Variants in DDI1 observed in about 807,000 individuals in gnomAD.
The protein encoded by DDI1 is DDI proteasomal shuttling factor 1, also known as protein DDI1 homolog 1.
A neutral mutation model predicts 7.2 loss-of-function variants in DDI1; 6 were observed. The ratio of observed to expected loss-of-function variants is 0.83; its 90% CI spans 0.46 to 1.64. DDI1 has a LOEUF of 1.64. Ranked by LOEUF, DDI1 falls within the 40% of genes most tolerant of loss-of-function variation. The pLI is 0.01. For missense variants in DDI1, 502 were observed against 516.6 expected (o/e 0.97, Z 0.27); for synonymous variants, 221 against 201.7 (o/e 1.10, Z -0.81).
chr11:104,036,704 C>A lies in DDI1; in HGVS notation c.-119C>A, dbSNP rs528937474. 2.0e-4 allele frequency: 155 copies of A among 778,412 alleles called. No individual in the cohort carries two copies. The highest frequency in any genetic ancestry group is 1.5e-3 in the Middle Eastern group (4 of 2,654). The allele number at this position is 778,412 out of a possible 1,614,324, so 48.2% of individuals were successfully genotyped here. A position where few individuals can be genotyped will look rare whatever the true frequency, so the allele number is the denominator to read the frequency against. ...GCGCCTCTCTGAGAGGTGAATGAGCCCGGACGGTCCCTACCTACCAAGTCC... is the reference window on the plus strand; with the variant it reads ...GCGCCTCTCTGAGAGGTGAATGAGCACGGACGGTCCCTACCTACCAAGTCC... On this transcript the variant is annotated 5_prime_UTR_variant, in exon 1 of 1. Coordinates refer to ENST00000302259, the MANE Select transcript of DDI1 (RefSeq NM_001001711.3).
Position 104,037,896 on chromosome 11 carries a change from T to A in DDI1, c.1074T>A (p.Thr358=), listed in dbSNP as rs1860279779. The A allele has an allele frequency of 1.2e-6, 2 of 1,614,072 alleles. No individual in the cohort carries two copies. The highest frequency in any genetic ancestry group is 2.7e-5 in the African/African-American group (2 of 74,930). The change falls in exon 1 of 1, where the codon ACT becomes ACA. Residue 358 remains threonine (T), a synonymous_variant. Coordinates refer to ENST00000302259, the MANE Select transcript of DDI1 (RefSeq NM_001001711.3). The part of the protein sequence containing the change: ...VLVIGTTGTQ[T]YFLPEGELPL... ...TCATCGGCACCACTGGCACGCAGAC[T>A]TATTTTCTTCCTGAGGGAGAGTTGC...
Position 104,036,943 on chromosome 11 carries a change from C to T in DDI1, c.121C>T (p.Pro41Ser). 1.2e-6 allele frequency: 2 copies of T among 1,614,160 alleles called. No homozygotes were observed. Among genetic ancestry groups the T allele is most frequent in the African/African-American group, 1.3e-5 (1 of 75,058 alleles). ...KVLCEAESRV[P>S]VEEIQIIHME... ...CCTCTGCGAAGCGGAGTCCAGAGTC[C>T]CCGTCGAAGAGATCCAGATCATCCA... Residue 41 changes from proline (P) to serine (S), a missense_variant, in exon 1 of 1, where the codon CCC becomes TCC. Physicochemically the swap from Pro to Ser is moderately conservative, Grantham distance 74. Transcript: ENST00000302259.
chr11:104,038,035 C>A lies in DDI1; in HGVS notation c.*22C>A. The A allele has an allele frequency of 6.3e-7, 1 of 1,593,438 alleles. No individual in the cohort carries two copies. The highest frequency in any genetic ancestry group is 1.1e-5 in the South Asian group (1 of 88,846). On this transcript the variant is annotated 3_prime_UTR_variant, in exon 1 of 1. Coordinates refer to ENST00000302259, the MANE Select transcript of DDI1 (RefSeq NM_001001711.3). Reference sequence around the variant, plus strand: ...TTAAAGCACGTTATAAATATGTTACCACCTTGAGGGAGCCTCAGGTCCCCG... The same window carrying A: ...TTAAAGCACGTTATAAATATGTTACAACCTTGAGGGAGCCTCAGGTCCCCG...
At position 104,036,664 on chromosome 11, in the gene DDI1, G is replaced by A; in HGVS notation, c.-159G>A. 2 of 641,124 alleles carry A rather than the reference G, an allele frequency of 3.1e-6. No homozygotes were observed. Among genetic ancestry groups the A allele is most frequent in the Admixed American group, 2.7e-5 (1 of 36,734 alleles). 39.7% of individuals were successfully genotyped at this position (641,124 alleles called of 1,614,324 possible). A position where few individuals can be genotyped will look rare whatever the true frequency, so the allele number is the denominator to read the frequency against. The stretch of plus-strand genomic sequence containing the variant: ...CACTGAGGCTGGGAGACAGCCCCCA[G>A]ACAGATGAGTGTCCGCGCCTCTCTG... On this transcript the variant is annotated 5_prime_UTR_variant, in exon 1 of 1. Coordinates refer to ENST00000302259, the MANE Select transcript of DDI1 (RefSeq NM_001001711.3).
chr11:104,037,113 T>G lies in DDI1; in HGVS notation c.291T>G (p.Ser97Arg). The G allele has an allele frequency of 6.2e-7, 1 of 1,614,128 alleles. No individual in the cohort carries two copies. The highest frequency in any genetic ancestry group is 8.5e-7 in the Non-Finnish European group (1 of 1,180,028). The change falls in exon 1 of 1, where the codon AGT becomes AGG. Residue 97 changes from serine (S) to arginine (R), a missense_variant. Coordinates refer to ENST00000302259, the MANE Select transcript of DDI1 (RefSeq NM_001001711.3). ...CGAACCAGCCTCGTGTAGACTTCAG[T>G]GGCATTGCGGTGCCTGGGACGTCCA... ...RAPNQPRVDF[S>R]GIAVPGTSSS...
chr11:104,037,755 T>C lies in DDI1; in HGVS notation c.933T>C (p.Gly311=). 3 of 1,614,136 alleles carry C rather than the reference T, an allele frequency of 1.9e-6. No individual in the cohort carries two copies. Among genetic ancestry groups the C allele is most frequent in the African/African-American group, 1.3e-5 (1 of 75,046 alleles). Residue 311 remains glycine (G), a synonymous_variant, in exon 1 of 1, where the codon GGT becomes GGC. Transcript: ENST00000302259. ...RVHLAQIQIE[G]DFLQCSFSIL... ...ATCTAGCTCAGATTCAAATTGAAGG[T>C]GATTTCTTACAGTGCTCTTTCTCCA...
rs1591134084 is a variant in DDI1 at position 104,038,373 on chromosome 11, C to T, written c.*360C>T. On this transcript the variant is annotated 3_prime_UTR_variant, in exon 1 of 1. Transcript: ENST00000302259. ...TTTTGCAGAATTCCCTGGAAAAATG[C>T]TATGGCTGCAGACCTTACAAGGCAT... is the stretch of plus-strand genomic sequence containing the variant. 4.6e-6 allele frequency: 1 copy of T among 218,008 alleles called. No homozygotes were observed. Among genetic ancestry groups the T allele is most frequent in the East Asian group, 1.1e-4 (1 of 9,032 alleles). The allele number at this position is 218,008 out of a possible 1,614,324, so 13.5% of individuals were successfully genotyped here. A position where few individuals can be genotyped will look rare whatever the true frequency, so the allele number is the denominator to read the frequency against.
In DDI1 at chr11:104,037,653, C is replaced by T. The variant is rs1860273519; in HGVS notation, c.831C>T (p.Asn277=). 1 of 1,614,034 alleles carries T rather than the reference C, an allele frequency of 6.2e-7. No homozygotes were observed. The highest frequency in any genetic ancestry group is 1.3e-5 in the African/African-American group (1 of 74,894). The part of the protein sequence containing the change: ...IMSQACAERC[N]IMRLVDRRWA... ...GCCAGGCTTGTGCCGAGCGATGTAA[C>T]ATCATGAGGCTGGTGGACCGACGGT... Residue 277 remains asparagine, a synonymous_variant, in exon 1 of 1, where the codon AAC becomes AAT. Transcript: ENST00000302259.
In DDI1 at chr11:104,036,646, G is replaced by T; in HGVS notation, c.-177G>T. The T allele has an allele frequency of 3.3e-6, 2 of 613,090 alleles. No individual in the cohort carries two copies. Among genetic ancestry groups the T allele is most frequent in the Non-Finnish European group, 5.8e-6 (2 of 345,762 alleles). 38.0% of individuals were successfully genotyped at this position (613,090 alleles called of 1,614,324 possible). A position where few individuals can be genotyped will look rare whatever the true frequency, so the allele number is the denominator to read the frequency against. The stretch of plus-strand genomic sequence containing the variant: ...ACCTGGCCACACAGCAGGCACTGAG[G>T]CTGGGAGACAGCCCCCAGACAGATG... On this transcript the variant is annotated 5_prime_UTR_variant, in exon 1 of 1. Coordinates refer to ENST00000302259, the MANE Select transcript of DDI1 (RefSeq NM_001001711.3).
rs1565316848 is a variant in DDI1 at position 104,036,892 on chromosome 11, GACTTTGAGC to G, written c.71_79del (p.Asp24_Leu27delinsVal). The G allele has an allele frequency of 2.5e-6, 4 of 1,614,004 alleles. No individual in the cohort carries two copies. The Admixed American group carries it at 5.0e-5, about 20-fold the overall frequency. On this transcript the variant is annotated inframe_deletion, in exon 1 of 1. Coordinates refer to ENST00000302259, the MANE Select transcript of DDI1 (RefSeq NM_001001711.3). ...CACCTTCTCTCTCCAGGTCAGCCCC[GACTTTGAGC>G]TCCGAAACTTCAAGGTCCTCTGCGA...
In DDI1 at chr11:104,038,637, C is replaced by T. The variant is rs1860296316; in HGVS notation, c.*624C>T. 6.0e-6 allele frequency: 1 copy of T among 167,042 alleles called. No individual in the cohort carries two copies. Among genetic ancestry groups the T allele is most frequent in the South Asian group, 2.1e-4 (1 of 4,832 alleles). 10.3% of individuals were successfully genotyped at this position (167,042 alleles called of 1,614,324 possible). On this transcript the variant is annotated 3_prime_UTR_variant, in exon 1 of 1. Coordinates refer to ENST00000302259, the MANE Select transcript of DDI1 (RefSeq NM_001001711.3). ...TCACCCTGCAATCCACAGCTAAAGA[C>T]TATTTTTGCCATATTTGAGAAAGTG...
At position 104,037,674 on chromosome 11, in the gene DDI1, A is replaced by G; in HGVS notation, c.852A>G (p.Arg284=). Residue 284 remains arginine, a synonymous_variant, in exon 1 of 1, where the codon CGA becomes CGG. Transcript: ENST00000302259. ...ERCNIMRLVD[R]RWAGVAKGVG... is the part of the protein sequence containing the mutation. ...GTAACATCATGAGGCTGGTGGACCG[A>G]CGGTGGGCTGGGGTTGCTAAAGGAG... 1 of 1,614,106 alleles carries G rather than the reference A, an allele frequency of 6.2e-7. No individual in the cohort carries two copies. The highest frequency in any genetic ancestry group is 8.5e-7 in the Non-Finnish European group (1 of 1,180,032).
chr11:104,038,051 C>T lies in DDI1; in HGVS notation c.*38C>T, dbSNP rs201198238. 8.4e-6 allele frequency: 13 copies of T among 1,556,630 alleles called. No individual in the cohort carries two copies. In the East Asian group the frequency reaches 2.7e-4, roughly 33 times the overall value. Reference sequence around the variant, plus strand: ...ATATGTTACCACCTTGAGGGAGCCTCAGGTCCCCGGCAATTATAAGTTAAG... The same window carrying T: ...ATATGTTACCACCTTGAGGGAGCCTTAGGTCCCCGGCAATTATAAGTTAAG... On this transcript the variant is annotated 3_prime_UTR_variant, in exon 1 of 1. Coordinates refer to ENST00000302259, the MANE Select transcript of DDI1 (RefSeq NM_001001711.3).
In DDI1 at chr11:104,037,259, T is replaced by A. The variant is rs1428163073; in HGVS notation, c.437T>A (p.Ile146Asn). Residue 146 changes from isoleucine to asparagine, a missense_variant, in exon 1 of 1, where the codon ATC (isoleucine) becomes AAC (asparagine). Coordinates refer to ENST00000302259, the MANE Select transcript of DDI1 (RefSeq NM_001001711.3). ...CAAGGTCTGGGCAGCCCCGCCCTGA[T>A]CCGCAGCATGCTGCTCTCCAACCCC... ...GLQGLGSPAL[I>N]RSMLLSNPHD... 1 of 1,613,540 alleles carries A rather than the reference T, an allele frequency of 6.2e-7. No homozygotes were observed. The highest frequency in any genetic ancestry group is 1.3e-5 in the African/African-American group (1 of 74,928).
rs534825593 is a variant in DDI1, at chr11:104,037,748, T to C, written c.926T>C (p.Ile309Thr). ...IGRVHLAQIQ[I>T]EGDFLQCSFS... Reference sequence around the variant, plus strand: ...CGTGTTCATCTAGCTCAGATTCAAATTGAAGGTGATTTCTTACAGTGCTCT... The same window carrying C: ...CGTGTTCATCTAGCTCAGATTCAAACTGAAGGTGATTTCTTACAGTGCTCT... Residue 309 changes from isoleucine to threonine, a missense_variant, in exon 1 of 1, where the codon ATT (isoleucine) becomes ACT (threonine). By Grantham distance (89) the Ile-to-Thr change is moderately conservative (BLOSUM62 -1). Coordinates refer to ENST00000302259, the MANE Select transcript of DDI1 (RefSeq NM_001001711.3). 113 of 1,614,132 alleles carry C rather than the reference T, an allele frequency of 7.0e-5. No individual in the cohort carries two copies. Among genetic ancestry groups the C allele is most frequent in the Admixed American group, 1.0e-4 (6 of 60,020 alleles).
Position 104,038,029 on chromosome 11 carries a change from T to C in DDI1, c.*16T>C. 6.3e-7 allele frequency: 1 copy of C among 1,598,640 alleles called. No homozygotes were observed. The highest frequency in any genetic ancestry group is 1.1e-5 in the South Asian group (1 of 89,700). ...AGAGCATTAAAGCACGTTATAAATA[T>C]GTTACCACCTTGAGGGAGCCTCAGG... On this transcript the variant is annotated 3_prime_UTR_variant, in exon 1 of 1. Coordinates refer to ENST00000302259, the MANE Select transcript of DDI1 (RefSeq NM_001001711.3).
At position 104,038,185 on chromosome 11, in the gene DDI1, G is replaced by A; in HGVS notation, c.*172G>A. 1.5e-6 allele frequency: 1 copy of A among 686,974 alleles called. No individual in the cohort carries two copies. Among genetic ancestry groups the A allele is most frequent in the Non-Finnish European group, 2.4e-6 (1 of 408,630 alleles). The allele number at this position is 686,974 out of a possible 1,614,324, so 42.6% of individuals were successfully genotyped here. A position where few individuals can be genotyped will look rare whatever the true frequency, so the allele number is the denominator to read the frequency against. ...CGTCAATCCTGATTCCTTGGTCTTGGTCCCTCTTCCATTTCCCTTGTCCAG... is the reference window on the plus strand; with the variant it reads ...CGTCAATCCTGATTCCTTGGTCTTGATCCCTCTTCCATTTCCCTTGTCCAG... On this transcript the variant is annotated 3_prime_UTR_variant, in exon 1 of 1. Transcript: ENST00000302259.
chr11:104,037,522 G>A lies in DDI1; in HGVS notation c.700G>A (p.Ala234Thr). The change falls in exon 1 of 1, where the codon GCC becomes ACC. Residue 234 changes from alanine (A) to threonine (T), a missense_variant. Ala to Thr is a moderately conservative substitution (Grantham distance 58). Coordinates refer to ENST00000302259, the MANE Select transcript of DDI1 (RefSeq NM_001001711.3). ...EENMNIAIEEAPESFGQVTML... is the reference protein window; with the variant it reads ...EENMNIAIEETPESFGQVTML... ...AAACATGAATATAGCGATAGAAGAGGCCCCCGAGAGTTTTGGACAAGTGAC... is the reference window on the plus strand; with the variant it reads ...AAACATGAATATAGCGATAGAAGAGACCCCCGAGAGTTTTGGACAAGTGAC... 2 of 1,614,044 alleles carry A rather than the reference G, an allele frequency of 1.2e-6. No individual in the cohort carries two copies. The highest frequency in any genetic ancestry group is 1.7e-6 in the Non-Finnish European group (2 of 1,180,012).
chr11:104,037,162 C>G lies in DDI1; in HGVS notation c.340C>G (p.Gln114Glu). The change falls in exon 1 of 1, where the codon CAG (glutamine) becomes GAG (glutamate). Residue 114 changes from glutamine (Q) to glutamate (E), a missense_variant. Coordinates refer to ENST00000302259, the MANE Select transcript of DDI1 (RefSeq NM_001001711.3). ...CAGCTCCCGTCCACAGCACCCTGGACAGCAGCAGCAGCGCACACCCGCTGC... is the reference window on the plus strand; with the variant it reads ...CAGCTCCCGTCCACAGCACCCTGGAGAGCAGCAGCAGCGCACACCCGCTGC... The part of the protein sequence containing the change: ...TSSSRPQHPG[Q>E]QQQRTPAAQR... 6.2e-7 allele frequency: 1 copy of G among 1,613,346 alleles called. No homozygotes were observed. Among genetic ancestry groups the G allele is most frequent in the Non-Finnish European group, 8.5e-7 (1 of 1,179,936 alleles).
Sources: gnomAD v4.1 joint callset for allele counts on GRCh38, gnomAD v4.1.1 for gene constraint, MANE v1.5 for transcripts, NCBI Gene and HGNC (gene_info 2026-07-23, HGNC 2026-07-21) for gene names.